The following OR4D10 variants were observed in gnomAD, a reference collection of about 807,000 sequenced individuals.
OR4D10 encodes olfactory receptor family 4 subfamily D member 10.
For missense variants in OR4D10, 395 were observed against 378.0 expected (o/e 1.04, Z -0.37); for synonymous variants, 188 against 153.2 (o/e 1.23, Z -1.68).
In OR4D10 at chr11:59,479,083, G is replaced by T. The variant is rs1457014211; in HGVS notation, c.*718G>T. 6.6e-6 allele frequency: 1 copy of T among 152,222 alleles called. No individual in the cohort carries two copies. The highest frequency in any genetic ancestry group is 1.9e-4 in the East Asian group (1 of 5,186). 9.4% of individuals were successfully genotyped at this position (152,222 alleles called of 1,614,324 possible). On this transcript the variant is annotated 3_prime_UTR_variant, in exon 3 of 3. Transcript: ENST00000530162. The stretch of plus-strand genomic sequence containing the variant: ...CCCCAAGCTCACTGGCCACCCTACC[G>T]CATTTCCTTGGCACTCTGTGCTTAG...
Position 59,478,988 on chromosome 11 carries a change from T to A in OR4D10, c.*623T>A, listed in dbSNP as rs1858940520. ...GTTTGGGGATTGACTTTCTGTATAA[T>A]TTTCATAAGGTAAACGTATCCTACA... On this transcript the variant is annotated 3_prime_UTR_variant, in exon 3 of 3. Coordinates refer to ENST00000530162, the MANE Select transcript of OR4D10 (RefSeq NM_001004705.2). 6.6e-6 allele frequency: 1 copy of A among 152,218 alleles called. No homozygotes were observed. Among genetic ancestry groups the A allele is most frequent in the Non-Finnish European group, 1.5e-5 (1 of 68,080 alleles). The allele number at this position is 152,218 out of a possible 1,614,324, so 9.4% of individuals were successfully genotyped here.
rs1858932026 is a variant in OR4D10 at position 59,478,224 on chromosome 11, C to T, written c.795C>T (p.Leu265=). Residue 265 remains leucine (L), a synonymous_variant, in exon 3 of 3, where the codon CTC becomes CTT. Coordinates refer to ENST00000530162, the MANE Select transcript of OR4D10 (RefSeq NM_001004705.2). ...IYVYARPFTA[L]PMDKAISVTF... is the part of the protein sequence containing the mutation. Reference sequence around the variant, plus strand: ...TCTATGCCCGGCCCTTCACTGCCCTCCCCATGGATAAGGCCATCTCTGTCA... The same window carrying T: ...TCTATGCCCGGCCCTTCACTGCCCTTCCCATGGATAAGGCCATCTCTGTCA... 1.2e-6 allele frequency: 2 copies of T among 1,614,024 alleles called. No individual in the cohort carries two copies. Among genetic ancestry groups the T allele is most frequent in the Admixed American group, 3.3e-5 (2 of 59,990 alleles).
rs563150769 is a variant in OR4D10, at chr11:59,477,572, C to T, written c.143C>T (p.Thr48Ile). The stretch of plus-strand genomic sequence containing the variant: ...CTGGGAAACCTCCTCATCATGGTCA[C>T]TGTTACCTGTGAATCTCGCCTTCAC... ...TLLGNLLIMV[T>I]VTCESRLHTP... is the part of the protein sequence containing the mutation. The change falls in exon 3 of 3, where the codon ACT becomes ATT. Residue 48 changes from threonine (T) to isoleucine (I), a missense_variant. Transcript: ENST00000530162. 1.8e-5 allele frequency: 29 copies of T among 1,614,200 alleles called. No individual in the cohort carries two copies. In the South Asian group the frequency reaches 2.6e-4, roughly 15 times the overall value.
At chr11:59,473,827 G>A (rs1174141990) in intron 2 of OR4D10, 34 bp downstream of exon 2, 1 of 152,166 alleles carries the variant, frequency 6.6e-6, no homozygotes, top group Non-Finnish European at 1.5e-5. Flanking sequence ...ATGATATTGT[G>A]TTAAGGGAGA....
At chr11:59,475,253 T>A (rs988481414) in intron 2 of OR4D10, among the ~76,000 whole-genome samples, 6 of 152,018 alleles carry the variant, frequency 3.9e-5, no homozygotes. Context: ...TAATGAGGTT[T>A]CTGTTACTAA....
In OR4D10 at chr11:59,478,266, C is replaced by T. The variant is rs778714095; in HGVS notation, c.837C>T (p.Ser279=). The change falls in exon 3 of 3, where the codon TCC becomes TCT. Residue 279 remains serine (S), a synonymous_variant. Coordinates refer to ENST00000530162, the MANE Select transcript of OR4D10 (RefSeq NM_001004705.2). ...TCTCTGTCACCTTCACTGTCATCTCCCCTCTGCTCAACCCCTTGATCTACA... is the reference window on the plus strand; with the variant it reads ...TCTCTGTCACCTTCACTGTCATCTCTCCTCTGCTCAACCCCTTGATCTACA... ...KAISVTFTVI[S]PLLNPLIYTL... is the part of the protein sequence containing the mutation. 5 of 1,364,198 alleles carry T rather than the reference C, an allele frequency of 3.7e-6. No individual in the cohort carries two copies. In the African/African-American group the frequency reaches 8.0e-5, roughly 22 times the overall value. 84.5% of individuals were successfully genotyped at this position (1,364,198 alleles called of 1,614,324 possible). A position where few individuals can be genotyped will look rare whatever the true frequency, so the allele number is the denominator to read the frequency against.
rs758048182 is a variant in OR4D10, at chr11:59,478,268, C to T, written c.839C>T (p.Pro280Leu). Reference protein sequence around the residue: ...AISVTFTVISPLLNPLIYTLR... With the variant: ...AISVTFTVISLLLNPLIYTLR... ...TCTGTCACCTTCACTGTCATCTCCC[C>T]TCTGCTCAACCCCTTGATCTACACT... The change falls in exon 3 of 3, where the codon CCT becomes CTT. Residue 280 changes from proline (P) to leucine (L), a missense_variant. Pro to Leu is a moderately conservative substitution (Grantham distance 98). Coordinates refer to ENST00000530162, the MANE Select transcript of OR4D10 (RefSeq NM_001004705.2). The T allele has an allele frequency of 1.4e-6, 2 of 1,381,712 alleles. No individual in the cohort carries two copies. Among genetic ancestry groups the T allele is most frequent in the Non-Finnish European group, 9.4e-7 (1 of 1,059,566 alleles). The allele number at this position is 1,381,712 out of a possible 1,614,324, so 85.6% of individuals were successfully genotyped here.
chr11:59,473,610 T>C lies in OR4D10; in HGVS notation c.-255T>C, dbSNP rs1858868183. ...GCACTATATCTAATAGCATCAAATT[T>C]GTAGTTGGAGTTTTGGGATCAAAGG... On this transcript the variant is annotated 5_prime_UTR_variant, in exon 1 of 3. Coordinates refer to ENST00000530162, the MANE Select transcript of OR4D10 (RefSeq NM_001004705.2). 6.6e-6 allele frequency: 1 copy of C among 152,244 alleles called. No individual in the cohort carries two copies. Among genetic ancestry groups the C allele is most frequent in the Non-Finnish European group, 1.5e-5 (1 of 68,036 alleles). 9.4% of individuals were successfully genotyped at this position (152,244 alleles called of 1,614,324 possible). A position where few individuals can be genotyped will look rare whatever the true frequency, so the allele number is the denominator to read the frequency against.
At position 59,478,948 on chromosome 11, in the gene OR4D10, C is replaced by G. The variant is rs903284594; in HGVS notation, c.*583C>G. On this transcript the variant is annotated 3_prime_UTR_variant, in exon 3 of 3. Coordinates refer to ENST00000530162, the MANE Select transcript of OR4D10 (RefSeq NM_001004705.2). The stretch of plus-strand genomic sequence containing the variant: ...CAGTAAATGAAGGTGTGGGGTGTAT[C>G]TGAAACACAATGGAGTTTGGGGATT... 6.6e-6 allele frequency: 1 copy of G among 152,256 alleles called. No homozygotes were observed. Among genetic ancestry groups the G allele is most frequent in the Admixed American group, 6.5e-5 (1 of 15,268 alleles). 9.4% of individuals were successfully genotyped at this position (152,256 alleles called of 1,614,324 possible).
Position 59,477,392 on chromosome 11 carries a change from C to T in OR4D10, c.-38C>T. On this transcript the variant is annotated 5_prime_UTR_variant, in exon 3 of 3. Transcript: ENST00000530162. Reference sequence around the variant, plus strand: ...TAAATATCCCAGTGCTTTCACATGACATGGTTTAAAACCAAAGAGAATAAA... The same window carrying T: ...TAAATATCCCAGTGCTTTCACATGATATGGTTTAAAACCAAAGAGAATAAA... The T allele has an allele frequency of 1.4e-6, 2 of 1,430,488 alleles. No homozygotes were observed. Among genetic ancestry groups the T allele is most frequent in the Middle Eastern group, 1.8e-4 (1 of 5,406 alleles). 88.6% of individuals were successfully genotyped at this position (1,430,488 alleles called of 1,614,324 possible). A position where few individuals can be genotyped will look rare whatever the true frequency, so the allele number is the denominator to read the frequency against.
At position 59,478,329 on chromosome 11, in the gene OR4D10, A is replaced by G. The variant is rs1443337434; in HGVS notation, c.900A>G (p.Arg300=). 2 of 1,610,124 alleles carry G rather than the reference A, an allele frequency of 1.2e-6. No homozygotes were observed. Among genetic ancestry groups the G allele is most frequent in the South Asian group, 1.1e-5 (1 of 90,252 alleles). ...ATGAGATGAAGTCAGCCATGAGGAGACTGAAGAGAAGACTTGTGCCTTCTG... is the reference window on the plus strand; with the variant it reads ...ATGAGATGAAGTCAGCCATGAGGAGGCTGAAGAGAAGACTTGTGCCTTCTG... The part of the protein sequence containing the change: ...RNHEMKSAMR[R]LKRRLVPSDR... Residue 300 remains arginine, a synonymous_variant, in exon 3 of 3, where the codon AGA becomes AGG. Coordinates refer to ENST00000530162, the MANE Select transcript of OR4D10 (RefSeq NM_001004705.2).
rs146031195 is a variant in OR4D10, at chr11:59,474,430, C to A, written c.-169+637C>A. On this transcript the variant is annotated intron_variant, in intron 2 of 2. Coordinates refer to ENST00000530162, the MANE Select transcript of OR4D10 (RefSeq NM_001004705.2). ...CTTATTTGTATACATTTGAAGATTG[C>A]GATATATGTCCACCGGCTATGTATA... Among the ~76,000 whole-genome samples, 5 of 152,190 alleles carry A rather than the reference C, an allele frequency of 3.3e-5. 1 individual carries two copies. The highest frequency in any genetic ancestry group is 3.9e-4 in the East Asian group (2 of 5,186).
chr11:59,476,701 G>A (rs1035923737), intron 2 of OR4D10, among the ~76,000 whole-genome samples: 3 of 152,098 alleles, frequency 2.0e-5, no homozygotes, highest in African/African-American at 7.2e-5. Context: ...ACACAGGGCA[G>A]AGTGGAGGAG....
At position 59,477,283 on chromosome 11, in the gene OR4D10, G is replaced by A. The variant is rs1206459262; in HGVS notation, c.-147G>A. 17 of 519,622 alleles carry A rather than the reference G, an allele frequency of 3.3e-5. No homozygotes were observed. The highest frequency in any genetic ancestry group is 1.3e-4 in the South Asian group (3 of 22,268). 32.2% of individuals were successfully genotyped at this position (519,622 alleles called of 1,614,324 possible). A position where few individuals can be genotyped will look rare whatever the true frequency, so the allele number is the denominator to read the frequency against. On this transcript the variant is annotated 5_prime_UTR_variant, in exon 3 of 3. It adds an upstream start codon to the 5' untranslated region. Transcript: ENST00000530162. ...CCAGACTAACTGAAATCTGAAAAAC[G>A]TGAACAATGCAACAAACTGCAAAAA...
chr11:59,478,122 G>C lies in OR4D10; in HGVS notation c.693G>C (p.Glu231Asp), dbSNP rs1858930222. 3 of 1,614,088 alleles carry C rather than the reference G, an allele frequency of 1.9e-6. No homozygotes were observed. In the South Asian group the frequency reaches 3.3e-5, roughly 18 times the overall value. The stretch of plus-strand genomic sequence containing the variant: ...CATTACCCAAGTCTCAGGCAGGAGA[G>C]GGCAGGAGGAAAGCCATCTCCACCT... ...ILSLPKSQAGEGRRKAISTCT... is the reference protein window; with the variant it reads ...ILSLPKSQAGDGRRKAISTCT... The change falls in exon 3 of 3, where the codon GAG (glutamate) becomes GAC (aspartate). Residue 231 changes from glutamate to aspartate, a missense_variant. Coordinates refer to ENST00000530162, the MANE Select transcript of OR4D10 (RefSeq NM_001004705.2).
rs1565083994 is a variant in OR4D10 at position 59,477,698 on chromosome 11, A to C, written c.269A>C (p.Lys90Thr). The C allele has an allele frequency of 6.2e-7, 1 of 1,614,200 alleles. No homozygotes were observed. The highest frequency in any genetic ancestry group is 8.5e-7 in the Non-Finnish European group (1 of 1,180,016). ...CTGGTGGACCTTCTGTCTGAAAGAA[A>C]GACCATCTCCTTCAATCATTGCTTC... ...KVLVDLLSER[K>T]TISFNHCFTQ... The change falls in exon 3 of 3, where the codon AAG becomes ACG. Residue 90 changes from lysine (K) to threonine (T), a missense_variant. Transcript: ENST00000530162.
chr11:59,477,991 G>T lies in OR4D10; in HGVS notation c.562G>T (p.Ala188Ser), dbSNP rs181533598. 3.7e-6 allele frequency: 6 copies of T among 1,614,062 alleles called. No individual in the cohort carries two copies. The highest frequency in any genetic ancestry group is 5.1e-6 in the Non-Finnish European group (6 of 1,180,026). The change falls in exon 3 of 3, where the codon GCC becomes TCC. Residue 188 changes from alanine (A) to serine (S), a missense_variant. By Grantham distance (99) the Ala-to-Ser change is moderately conservative. Transcript: ENST00000530162. ...YCDVHRVLKL[A>S]HTDIFILELL... is the part of the protein sequence containing the mutation. ...TGATGTCCACCGGGTCCTCAAACTG[G>T]CCCATACAGACATTTTCATACTTGA...
At chr11:59,473,906 T>C (rs1590624158) in intron 2 of OR4D10, 113 bp downstream of exon 2, 1 of 152,216 alleles carries the variant, frequency 6.6e-6, no homozygotes, top group African/African-American at 2.4e-5. Context: ...TTGAGTTGCT[T>C]ATGTGTGAGG....
chr11:59,477,611 T>C lies in OR4D10; in HGVS notation c.182T>C (p.Phe61Ser). The change falls in exon 3 of 3, where the codon TTT (phenylalanine) becomes TCT (serine). Residue 61 changes from phenylalanine (F) to serine (S), a missense_variant. Coordinates refer to ENST00000530162, the MANE Select transcript of OR4D10 (RefSeq NM_001004705.2). ...TCTCGCCTTCACACGCCCATGTATT[T>C]TTTGCTCCATAATTTATCTATTGCC... ...CESRLHTPMY[F>S]LLHNLSIADI... 6.2e-7 allele frequency: 1 copy of C among 1,614,062 alleles called. No homozygotes were observed. The highest frequency in any genetic ancestry group is 8.5e-7 in the Non-Finnish European group (1 of 1,179,942).
Sources: gnomAD v4.1 joint callset for allele counts (sites outside exome capture counted in the v4.1 genomes callset) on GRCh38, gnomAD v4.1.1 for gene constraint, MANE v1.5 for transcripts, NCBI Gene and HGNC (gene_info 2026-07-23, HGNC 2026-07-21) for gene names.